Variants in TNPO2 observed in about 807,000 individuals in gnomAD.
The protein encoded by TNPO2 is transportin-2.
A neutral mutation model predicts 111.1 loss-of-function variants in TNPO2; 16 were observed. The ratio of observed to expected loss-of-function variants is 0.14; its 90% CI spans 0.10 to 0.22. The LOEUF (loss-of-function observed/expected upper bound fraction) is 0.22, where lower values mean the gene tolerates loss of function less well. Ranked by LOEUF, TNPO2 falls within the 10% of genes least tolerant of loss-of-function variation. The probability of loss-of-function intolerance (pLI) is 1.00; values close to 1 mark genes in which losing one functional copy is unlikely to be tolerated. For missense variants in TNPO2, 530 were observed against 1,173.7 expected (o/e 0.45, Z 8.01); for synonymous variants, 481 against 475.8 (o/e 1.01, Z -0.14).
rs778447524 is a variant in TNPO2, at chr19:12,701,555, T to C, written c.2586+43A>G. 3 of 1,610,476 alleles carry C rather than the reference T, an allele frequency of 1.9e-6. No homozygotes were observed. Among genetic ancestry groups the C allele is most frequent in the Non-Finnish European group, 2.5e-6 (3 of 1,176,878 alleles). ...CATTGTTACCAGATGGTCTCACCCC[T>C]GCCTGCTCCCGGAACTAGATCAGGG... On this transcript the variant is annotated intron_variant, in intron 24 of 25. Coordinates refer to ENST00000425528, the MANE Select transcript of TNPO2 (RefSeq NM_001382241.1). The surrounding 1 kb of genome is among the most constrained non-coding windows in gnomAD (Gnocchi z 5.0).
At position 12,705,522 on chromosome 19, in the gene TNPO2, G is replaced by T; in HGVS notation, c.1833C>A (p.Thr611=). The change falls in exon 17 of 26, where the codon ACC becomes ACA. Residue 611 remains threonine, a synonymous_variant. Coordinates refer to ENST00000425528, the MANE Select transcript of TNPO2 (RefSeq NM_001382241.1). This position sits in a 1 kb window ranked among gnomAD's most constrained non-coding sequence, Gnocchi z 7.2. The part of the protein sequence containing the change: ...YCEPVYQRCV[T]LVQKTLAQAM... ...CCTGAGCCAGTGTCTTCTGCACCAGGGTGACACAGCGCTGGTAGACGGGCT... is the reference window on the plus strand; with the variant it reads ...CCTGAGCCAGTGTCTTCTGCACCAGTGTGACACAGCGCTGGTAGACGGGCT... The T allele has an allele frequency of 6.2e-7, 1 of 1,603,298 alleles. No individual in the cohort carries two copies. The highest frequency in any genetic ancestry group is 2.2e-5 in the East Asian group (1 of 44,502).
In TNPO2 at chr19:12,721,180, G is replaced by A. The variant is rs1966908260; in HGVS notation, c.-13-190C>T. 1 of 1,393,424 alleles carries A rather than the reference G, an allele frequency of 7.2e-7. No homozygotes were observed. The highest frequency in any genetic ancestry group is 9.2e-7 in the Non-Finnish European group (1 of 1,081,358). The allele number at this position is 1,393,424 out of a possible 1,614,324, so 86.3% of individuals were successfully genotyped here. On this transcript the variant is annotated intron_variant, in intron 2 of 25. Transcript: ENST00000425528. The surrounding 1 kb of genome is among the most constrained non-coding windows in gnomAD (Gnocchi z 4.9). ...GCGCCATCCTCGGCCGCGCAGTCGC[G>A]GGCTCGGGAGCGCGGGAGGGGGGAT...
In TNPO2 at chr19:12,716,186, G is replaced by A. The variant is rs1200629072; in HGVS notation, c.326-447C>T. Among the ~76,000 whole-genome samples the A allele has an allele frequency of 2.0e-5, 3 of 152,324 alleles. No homozygotes were observed. In the East Asian group the frequency reaches 5.8e-4, roughly 29 times the overall value. Reference sequence around the variant, plus strand: ...GCTCCTGGCCTTGACATAGGTAGAAGGGTACTCCTTGACTCAGTAGGCACC... The same window carrying A: ...GCTCCTGGCCTTGACATAGGTAGAAAGGTACTCCTTGACTCAGTAGGCACC... On this transcript the variant is annotated intron_variant, in intron 5 of 25. Transcript: ENST00000425528.
chr19:12,711,666 G>A (rs2026056962), intron 10 of TNPO2, 53 bp from the exon 11 acceptor site: 4 of 1,552,372 alleles, frequency 2.6e-6, no homozygotes, highest in Non-Finnish European at 3.5e-6. Context: ...CAAAAGTTGG[G>A]GGGAGGCACA....
At position 12,702,167 on chromosome 19, in the gene TNPO2, C is replaced by A. The variant is rs374413929; in HGVS notation, c.2316G>T (p.Thr772=). ...TGATGGCTGGAATGGCAGAGGGACT[C>A]GTCAGGCGACCTGCAACCCCGAGCG... The part of the protein sequence containing the change: ...KTLLENTGRL[T]SPSAIPAITI... The change falls in exon 22 of 26, where the codon ACG becomes ACT. Residue 772 remains threonine (T), a synonymous_variant. Transcript: ENST00000425528. This position sits in a 1 kb window ranked among gnomAD's most constrained non-coding sequence, Gnocchi z 5.5. The A allele has an allele frequency of 1.2e-6, 2 of 1,612,938 alleles. No individual in the cohort carries two copies. The highest frequency in any genetic ancestry group is 1.7e-6 in the Non-Finnish European group (2 of 1,179,720).
Position 12,702,812 on chromosome 19 carries a change from C to G in TNPO2, c.2305+11G>C. 6.2e-7 allele frequency: 1 copy of G among 1,613,310 alleles called. No individual in the cohort carries two copies. Among genetic ancestry groups the G allele is most frequent in the Non-Finnish European group, 8.5e-7 (1 of 1,179,294 alleles). On this transcript the variant is annotated intron_variant, in intron 21 of 25. Transcript: ENST00000425528. The surrounding 1 kb of genome is among the most constrained non-coding windows in gnomAD (Gnocchi z 5.5). ...GCAGGGGTGCAGGCAGCAGCCGGGC[C>G]AGGTGCCCACCTGTGTTTTCCAGCA...
At position 12,701,566 on chromosome 19, in the gene TNPO2, G is replaced by A. The variant is rs554850254; in HGVS notation, c.2586+32C>T. Reference sequence around the variant, plus strand: ...GATGGTCTCACCCCTGCCTGCTCCCGGAACTAGATCAGGGCCCAGACAGAG... The same window carrying A: ...GATGGTCTCACCCCTGCCTGCTCCCAGAACTAGATCAGGGCCCAGACAGAG... On this transcript the variant is annotated intron_variant, in intron 24 of 25. Coordinates refer to ENST00000425528, the MANE Select transcript of TNPO2 (RefSeq NM_001382241.1). The surrounding 1 kb of genome is among the most constrained non-coding windows in gnomAD (Gnocchi z 5.0). The A allele has an allele frequency of 3.8e-5, 62 of 1,611,468 alleles. No individual in the cohort carries two copies. The highest frequency in any genetic ancestry group is 7.7e-5 in the South Asian group (7 of 90,972).
intron 3 of TNPO2, among the ~76,000 whole-genome samples, chr19:12,720,367 C>A (rs918893013): frequency 2.6e-5 from 4 of 152,110 alleles, no homozygotes; most frequent in African/African-American, 7.2e-5. Flanking sequence ...CCCAGGGTGG[C>A]TGGAGTACAG....
Position 12,700,167 on chromosome 19 carries a change from C to T in TNPO2, c.*1097G>A, listed in dbSNP as rs2025205245. On this transcript the variant is annotated 3_prime_UTR_variant, in exon 26 of 26. Coordinates refer to ENST00000425528, the MANE Select transcript of TNPO2 (RefSeq NM_001382241.1). The stretch of plus-strand genomic sequence containing the variant: ...GGGAACAGGGGACACACCACCTTTC[C>T]CTTCCACCAAGCCTTGGTTTTCCTT... 6.6e-6 allele frequency: 1 copy of T among 152,188 alleles called. No individual in the cohort carries two copies. Among genetic ancestry groups the T allele is most frequent in the East Asian group, 1.9e-4 (1 of 5,196 alleles). 9.4% of individuals were successfully genotyped at this position (152,188 alleles called of 1,614,324 possible).
chr19:12,706,516 C>T lies in TNPO2; in HGVS notation c.1496+54G>A, dbSNP rs2025679209. ...CAACAGTCACAGGTGTCATCACTTC[C>T]CAGAGGGTGGCCGGGGGAGAGTGGG... On this transcript the variant is annotated intron_variant, in intron 14 of 25. Transcript: ENST00000425528. This position sits in a 1 kb window ranked among gnomAD's most constrained non-coding sequence, Gnocchi z 7.0. 1 of 1,600,540 alleles carries T rather than the reference C, an allele frequency of 6.2e-7. No homozygotes were observed. The highest frequency in any genetic ancestry group is 1.1e-5 in the South Asian group (1 of 90,740).
intron 10 of TNPO2, among the ~76,000 whole-genome samples, chr19:12,712,022 T>A (rs2026082583): frequency 6.6e-6 from 1 of 152,182 alleles, no homozygotes; most frequent in Admixed American, 6.5e-5. Flanking sequence ...TATGATTATA[T>A]ATGAATATCA....
chr19:12,713,620 C>T (rs113354054), intron 10 of TNPO2, among the ~76,000 whole-genome samples: 1 of 152,112 alleles, frequency 6.6e-6, no homozygotes, highest in East Asian at 1.9e-4. Context: ...GCAAGAGAAT[C>T]GCTTGAACCC....
chr19:12,717,984 A>G (rs2026456661), intron 5 of TNPO2, among the ~76,000 whole-genome samples: 1 of 151,894 alleles, frequency 6.6e-6, no homozygotes, highest in Admixed American at 6.6e-5. Context: ...ACCCAGCCAG[A>G]AGTCATTTTT....
intron 12 of TNPO2, 90 bp downstream of exon 12, chr19:12,711,206 T>C: frequency 2.0e-6 from 3 of 1,528,430 alleles, no homozygotes; most frequent in Non-Finnish European, 2.7e-6. Context: ...GATCAGCTTC[T>C]AATCAGCTTC....
chr19:12,718,821 G>A (rs1341342790), intron 5 of TNPO2, among the ~76,000 whole-genome samples: 1 of 152,190 alleles, frequency 6.6e-6, no homozygotes, highest in East Asian at 1.9e-4. Context: ...GCGTGGCCCT[G>A]CACTGCCTCA....
chr19:12,700,568 G>A lies in TNPO2; in HGVS notation c.*696C>T, dbSNP rs963247578. 2 of 152,226 alleles carry A rather than the reference G, an allele frequency of 1.3e-5. No homozygotes were observed. Among genetic ancestry groups the A allele is most frequent in the Non-Finnish European group, 2.9e-5 (2 of 68,106 alleles). The allele number at this position is 152,226 out of a possible 1,614,324, so 9.4% of individuals were successfully genotyped here. ...AGCTGGCAGGGAGTGTGTGGAGTGGGTCCCAAGCATGTGCGTGCTGACAGG... is the reference window on the plus strand; with the variant it reads ...AGCTGGCAGGGAGTGTGTGGAGTGGATCCCAAGCATGTGCGTGCTGACAGG... On this transcript the variant is annotated 3_prime_UTR_variant, in exon 26 of 26. Coordinates refer to ENST00000425528, the MANE Select transcript of TNPO2 (RefSeq NM_001382241.1).
At chr19:12,704,003 G>A (rs149343215) in intron 18 of TNPO2, among the ~76,000 whole-genome samples, 44 of 152,284 alleles carry the variant, frequency 2.9e-4, no homozygotes, top group African/African-American at 9.9e-4. Flanking sequence ...CTCAGTGTCC[G>A]TGGGGGATTC....
At position 12,721,826 on chromosome 19, in the gene TNPO2, C is replaced by G. The variant is rs757356670; in HGVS notation, c.-13-836G>C. On this transcript the variant is annotated intron_variant, in intron 2 of 25. Transcript: ENST00000425528. The surrounding 1 kb of genome is among the most constrained non-coding windows in gnomAD (Gnocchi z 4.9). ...CCCTGTCAGCAGTAACCCCTGCTGA[C>G]GGATCTCTGTTGCCTCTCCCAGTCA... 3 of 153,766 alleles carry G rather than the reference C, an allele frequency of 2.0e-5. No homozygotes were observed. Among genetic ancestry groups the G allele is most frequent in the Non-Finnish European group, 2.9e-5 (2 of 68,936 alleles). 9.5% of individuals were successfully genotyped at this position (153,766 alleles called of 1,614,324 possible). A position where few individuals can be genotyped will look rare whatever the true frequency, so the allele number is the denominator to read the frequency against.
At position 12,706,048 on chromosome 19, in the gene TNPO2, G is replaced by A; in HGVS notation, c.1668+148C>T. 2 of 877,488 alleles carry A rather than the reference G, an allele frequency of 2.3e-6. No homozygotes were observed. The highest frequency in any genetic ancestry group is 5.3e-5 in the East Asian group (2 of 37,694). 54.4% of individuals were successfully genotyped at this position (877,488 alleles called of 1,614,324 possible). ...AACTGTCTTTCTCCCCCACTAGACT[G>A]GGAGCAGGGCGAGGGCGGGGCCGGG... On this transcript the variant is annotated intron_variant, in intron 15 of 25. Transcript: ENST00000425528. The surrounding 1 kb of genome is among the most constrained non-coding windows in gnomAD (Gnocchi z 7.0).
Sources: allele counts gnomAD v4.1 joint callset (sites outside exome capture counted in the v4.1 genomes callset), GRCh38; gene constraint gnomAD v4.1.1; non-coding constraint Gnocchi (gnomAD v3.1); transcripts MANE v1.5; gene names NCBI Gene and HGNC (gene_info 2026-07-23, HGNC 2026-07-21).